The following OR8D4 variants were observed in gnomAD, a reference collection of about 807,000 sequenced individuals.
OR8D4 encodes the protein olfactory receptor 8D4.
For missense variants in OR8D4, 359 were observed against 372.6 expected (o/e 0.96, Z 0.30); for synonymous variants, 141 against 134.8 (o/e 1.05, Z -0.32).
chr11:123,906,742 T>TC lies in OR8D4; in HGVS notation c.312dup (p.Cys105LeufsTer7), dbSNP rs1591438332. 1 of 1,614,076 alleles carries TC rather than the reference T, an allele frequency of 6.2e-7. No individual in the cohort carries two copies. Among genetic ancestry groups the TC allele is most frequent in the Non-Finnish European group, 8.5e-7 (1 of 1,179,964 alleles). On this transcript the variant is annotated frameshift_variant, in exon 2 of 2. Coordinates refer to ENST00000641687, the MANE Select transcript of OR8D4 (RefSeq NM_001005197.2). LOFTEE classifies it low-confidence loss of function (END_TRUNC). ...GGATGCATGATTCAGCTGTTTTTTTTCTGTGTTTGTGTTATTTCTGAATGC... is the reference window on the plus strand; with the variant it reads ...GGATGCATGATTCAGCTGTTTTTTTTCCTGTGTTTGTGTTATTTCTGAATGC...
Position 123,906,791 on chromosome 11 carries a change from C to A in OR8D4, c.360C>A (p.Cys120Ter). The change falls in exon 2 of 2, where the codon TGC (cysteine) becomes TGA (stop). Residue 120 changes from cysteine to a stop codon, truncating the protein, a stop_gained. Transcript: ENST00000641687. LOFTEE classifies it low-confidence loss of function (END_TRUNC). Reference sequence around the variant, plus strand: ...GCTACATGCTGGCAGCCATGGCCTGCGATCGCTACGTGGCCATCTGCAGCC... The same window carrying A: ...GCTACATGCTGGCAGCCATGGCCTGAGATCGCTACGTGGCCATCTGCAGCC... Reference protein sequence around the residue: ...SECYMLAAMACDRYVAICSPL... With the variant: ...SECYMLAAMA 6 of 1,613,574 alleles carry A rather than the reference C, an allele frequency of 3.7e-6. No homozygotes were observed. In the South Asian group the frequency reaches 6.6e-5, roughly 18 times the overall value.
chr11:123,902,681 C>G (rs1202505275), intron 1 of OR8D4, among the ~76,000 whole-genome samples: 2 of 152,092 alleles, frequency 1.3e-5, no homozygotes, highest in Non-Finnish European at 2.9e-5. Context: ...AATGATACTG[C>G]ATCTTATAAC....
chr11:123,905,128 G>C (rs937136513), intron 1 of OR8D4, among the ~76,000 whole-genome samples: 1 of 152,204 alleles, frequency 6.6e-6, no homozygotes, highest in Admixed American at 6.5e-5. Context: ...CTTGGCGAGA[G>C]ATGTAGCCTT....
Position 123,907,537 on chromosome 11 carries a change from G to C in OR8D4, c.*161G>C, listed in dbSNP as rs1863215707. ...CGAGTTGGGTGGATCACGAGGTCCG[G>C]TGTTCAAGACCAGCCTGGCCAAGAT... On this transcript the variant is annotated 3_prime_UTR_variant, in exon 2 of 2. Coordinates refer to ENST00000641687, the MANE Select transcript of OR8D4 (RefSeq NM_001005197.2). The C allele has an allele frequency of 2.5e-6, 1 of 406,672 alleles. No homozygotes were observed. The highest frequency in any genetic ancestry group is 5.0e-5 in the South Asian group (1 of 19,972). The allele number at this position is 406,672 out of a possible 1,614,324, so 25.2% of individuals were successfully genotyped here.
intron 1 of OR8D4, among the ~76,000 whole-genome samples, chr11:123,903,206 AGG>A (rs1393382777): frequency 6.8e-6 from 1 of 147,434 alleles, no homozygotes; most frequent in African/African-American, 2.5e-5. Context: ...GTGCTTAGTT[AGG>A]TTACATAAAA....
intron 1 of OR8D4, among the ~76,000 whole-genome samples, chr11:123,902,597 T>C (rs146434832): frequency 2.0e-4 from 30 of 152,344 alleles, no homozygotes; most frequent in African/African-American, 6.3e-4. Context: ...TATTTATTAT[T>C]TTTTACAGAT....
rs199936136 is a variant in OR8D4, at chr11:123,906,907, A to G, written c.476A>G (p.His159Arg). Residue 159 changes from histidine (H) to arginine (R), a missense_variant, in exon 2 of 2, where the codon CAT becomes CGT. Coordinates refer to ENST00000641687, the MANE Select transcript of OR8D4 (RefSeq NM_001005197.2). ...FSVGFTDAVI[H>R]GGCILRLSFC... ...GTAGGTTTCACTGATGCTGTGATCC[A>G]TGGAGGTTGTATACTCAGGTTGTCT... 5 of 1,613,878 alleles carry G rather than the reference A, an allele frequency of 3.1e-6. No individual in the cohort carries two copies. In the Admixed American group the frequency reaches 6.7e-5, roughly 22 times the overall value.
intron 1 of OR8D4, among the ~76,000 whole-genome samples, chr11:123,904,266 A>G (rs187943130): frequency 1.2e-4 from 18 of 152,324 alleles, no homozygotes; most frequent in Non-Finnish European, 1.8e-4. Flanking sequence ...AGGGAAGAAC[A>G]GTGCAGGACA....
At position 123,908,280 on chromosome 11, in the gene OR8D4, C is replaced by T. The variant is rs1565569873; in HGVS notation, c.*904C>T. 6.6e-6 allele frequency: 1 copy of T among 152,014 alleles called. No homozygotes were observed. Among genetic ancestry groups the T allele is most frequent in the Non-Finnish European group, 1.5e-5 (1 of 68,002 alleles). The allele number at this position is 152,014 out of a possible 1,614,324, so 9.4% of individuals were successfully genotyped here. On this transcript the variant is annotated 3_prime_UTR_variant, in exon 2 of 2. Transcript: ENST00000641687. ...ATTAAAATGTCTTGTTTTTTTTCAGCATGACCAGTATATGTGCAGTATTTT... is the reference window on the plus strand; with the variant it reads ...ATTAAAATGTCTTGTTTTTTTTCAGTATGACCAGTATATGTGCAGTATTTT...
Position 123,906,607 on chromosome 11 carries a change from T to A in OR8D4, c.176T>A (p.Met59Lys), listed in dbSNP as rs761134752. 1 of 1,613,976 alleles carries A rather than the reference T, an allele frequency of 6.2e-7. No homozygotes were observed. The highest frequency in any genetic ancestry group is 2.2e-5 in the East Asian group (1 of 44,876). ...CTGAATCGTCAACTTCATACCCCCATGTACTATTTCCTGAGTAGTTTGTCT... is the reference window on the plus strand; with the variant it reads ...CTGAATCGTCAACTTCATACCCCCAAGTACTATTTCCTGAGTAGTTTGTCT... Reference protein sequence around the residue: ...IRLNRQLHTPMYYFLSSLSFL... With the variant: ...IRLNRQLHTPKYYFLSSLSFL... Residue 59 changes from methionine to lysine, a missense_variant, in exon 2 of 2, where the codon ATG becomes AAG. Physicochemically the swap from Met to Lys is moderately conservative, Grantham distance 95 (BLOSUM62 -1). Transcript: ENST00000641687.
chr11:123,907,024 T>A lies in OR8D4; in HGVS notation c.593T>A (p.Leu198Ter). 1 of 1,614,104 alleles carries A rather than the reference T, an allele frequency of 6.2e-7. No homozygotes were observed. Among genetic ancestry groups the A allele is most frequent in the South Asian group, 1.1e-5 (1 of 91,080 alleles). Residue 198 changes from leucine (L) to a stop codon, truncating the protein, a stop_gained, in exon 2 of 2, where the codon TTG becomes TAG. Coordinates refer to ENST00000641687, the MANE Select transcript of OR8D4 (RefSeq NM_001005197.2). LOFTEE classifies it low-confidence loss of function (END_TRUNC). ...SCSSTYIDEL[L>*]IFVIGGFNMV... ...TCCAGCACTTATATTGATGAGCTTT[T>A]GATTTTTGTCATTGGTGGATTTAAC... is the stretch of plus-strand genomic sequence containing the variant.
chr11:123,904,464 T>C (rs2137491558), intron 1 of OR8D4, among the ~76,000 whole-genome samples: 1 of 152,220 alleles, frequency 6.6e-6, no homozygotes, highest in Non-Finnish European at 1.5e-5. Flanking sequence ...AGCATATAGG[T>C]TTTTTGAACA....
chr11:123,908,566 T>G lies in OR8D4; in HGVS notation c.*1190T>G, dbSNP rs1440940069. 4.6e-5 allele frequency: 7 copies of G among 152,184 alleles called. No homozygotes were observed. The highest frequency in any genetic ancestry group is 4.6e-4 in the Admixed American group (7 of 15,278). 9.4% of individuals were successfully genotyped at this position (152,184 alleles called of 1,614,324 possible). The stretch of plus-strand genomic sequence containing the variant: ...TGTTGGAATATTATGGTGAATATGA[T>G]AGACAAGGTATCTCTTTACTTTTAG... On this transcript the variant is annotated 3_prime_UTR_variant, in exon 2 of 2. Coordinates refer to ENST00000641687, the MANE Select transcript of OR8D4 (RefSeq NM_001005197.2).
At position 123,906,734 on chromosome 11, in the gene OR8D4, G is replaced by A; in HGVS notation, c.303G>A (p.Leu101=). Residue 101 remains leucine, a synonymous_variant, in exon 2 of 2, where the codon CTG becomes CTA. Transcript: ENST00000641687. ...SISYSGCMIQ[L]FFFCVCVISE... ...CCTATTCTGGATGCATGATTCAGCT[G>A]TTTTTTTTCTGTGTTTGTGTTATTT... is the stretch of plus-strand genomic sequence containing the variant. 2 of 1,612,354 alleles carry A rather than the reference G, an allele frequency of 1.2e-6. No individual in the cohort carries two copies. Among genetic ancestry groups the A allele is most frequent in the Non-Finnish European group, 1.7e-6 (2 of 1,178,614 alleles).
At chr11:123,904,547 A>G (rs891926025) in intron 1 of OR8D4, among the ~76,000 whole-genome samples, 3 of 152,232 alleles carry the variant, frequency 2.0e-5, no homozygotes, top group Admixed American at 6.5e-5. Flanking sequence ...GGAAAGGAAG[A>G]CTCCGGGTAT....
Position 123,907,239 on chromosome 11 carries a change from C to G in OR8D4, c.808C>G (p.Gln270Glu). 1.2e-5 allele frequency: 20 copies of G among 1,613,192 alleles called. No homozygotes were observed. The highest frequency in any genetic ancestry group is 1.7e-5 in the Non-Finnish European group (20 of 1,179,242). The change falls in exon 2 of 2, where the codon CAG becomes GAG. Residue 270 changes from glutamine (Q) to glutamate (E), a missense_variant. Transcript: ENST00000641687. ...ACCTGCTTCTAGCAGTTCACTCACC[C>G]AGGAGAAAGTATCCTCAGTATTTTA... ...LKPASSSSLT[Q>E]EKVSSVFYTT...
chr11:123,906,581 G>A lies in OR8D4; in HGVS notation c.150G>A (p.Arg50=), dbSNP rs1419345983. 6.2e-7 allele frequency: 1 copy of A among 1,613,890 alleles called. No homozygotes were observed. The highest frequency in any genetic ancestry group is 1.7e-5 in the Admixed American group (1 of 59,998). Residue 50 remains arginine (R), a synonymous_variant, in exon 2 of 2, where the codon AGG becomes AGA. Transcript: ENST00000641687. ...ACCTCAGCATGATCTCAATTATTAG[G>A]CTGAATCGTCAACTTCATACCCCCA... The part of the protein sequence containing the change: ...VGNLSMISII[R]LNRQLHTPMY...
Position 123,907,095 on chromosome 11 carries a change from C to T in OR8D4, c.664C>T (p.Leu222Phe). 2 of 1,613,978 alleles carry T rather than the reference C, an allele frequency of 1.2e-6. No individual in the cohort carries two copies. Among genetic ancestry groups the T allele is most frequent in the South Asian group, 1.1e-5 (1 of 91,072 alleles). ...LTIIISYAFI[L>F]TSILRIHSKK... Reference sequence around the variant, plus strand: ...AATCATTATTTCATATGCTTTTATCCTCACCAGCATCCTGCGCATCCACTC... The same window carrying T: ...AATCATTATTTCATATGCTTTTATCTTCACCAGCATCCTGCGCATCCACTC... The change falls in exon 2 of 2, where the codon CTC becomes TTC. Residue 222 changes from leucine (L) to phenylalanine (F), a missense_variant. Coordinates refer to ENST00000641687, the MANE Select transcript of OR8D4 (RefSeq NM_001005197.2).
intron 1 of OR8D4, among the ~76,000 whole-genome samples, chr11:123,905,980 C>T (rs1863195311): frequency 6.6e-6 from 1 of 152,198 alleles, no homozygotes; most frequent in Non-Finnish European, 1.5e-5. Context: ...AAATTTTCAG[C>T]AAGGCTTTGT....
Sources: gnomAD v4.1 joint callset for allele counts (sites outside exome capture counted in the v4.1 genomes callset) on GRCh38, gnomAD v4.1.1 for gene constraint, MANE v1.5 for transcripts, NCBI Gene and HGNC (gene_info 2026-07-23, HGNC 2026-07-21) for gene names.